The following KLHL29 variants were observed in gnomAD, a reference collection of about 807,000 sequenced individuals.
The protein encoded by KLHL29 is kelch like family member 29, also known as kelch-like protein 29.
A neutral mutation model predicts 80.4 loss-of-function variants in KLHL29; 21 were observed. That is an observed-to-expected ratio of 0.26 (90% CI 0.19 to 0.38). KLHL29 has a LOEUF of 0.38. KLHL29 is among the 10% of genes least tolerant of loss of function. The probability of loss-of-function intolerance (pLI) is 1.00; values close to 1 mark genes in which losing one functional copy is unlikely to be tolerated. For missense variants in KLHL29, 867 were observed against 1,223.9 expected, an observed-to-expected ratio of 0.71 and a Z score of 4.35; for synonymous variants, 511 against 526.8, an observed-to-expected ratio of 0.97 and a Z score of 0.41.
Position 23,478,610 on chromosome 2 carries a change from C to T in KLHL29, c.-46+2943C>T, listed in dbSNP as rs149146815. Among the ~76,000 whole-genome samples the T allele has an allele frequency of 3.0e-4, 46 of 152,224 alleles. No homozygotes were observed. The East Asian group carries it at 8.1e-3, about 27-fold the overall frequency. ...GAAAGAGGGGTGGGGGGAGTTGAGCCGAGGACTCAGTTTGCGCAGAGCCCA... is the reference window on the plus strand; with the variant it reads ...GAAAGAGGGGTGGGGGGAGTTGAGCTGAGGACTCAGTTTGCGCAGAGCCCA... On this transcript the variant is annotated intron_variant, in intron 2 of 13. Transcript: ENST00000486442.
In KLHL29 at chr2:23,703,362, T is replaced by A; in HGVS notation, c.2282T>A (p.Ile761Asn). The change falls in exon 12 of 14, where the codon ATC becomes AAC. Residue 761 changes from isoleucine to asparagine, a missense_variant. By Grantham distance (149) the Ile-to-Asn change is moderately radical. This residue lies in a region of KLHL29 where 443 missense variants were observed against 767.0 expected (regional missense o/e 0.58). Coordinates refer to ENST00000486442, the MANE Select transcript of KLHL29 (RefSeq NM_052920.2). ...YVPQTNTWSF[I>N]ESPMIDNKYA... ...CCTCAGACCAACACGTGGAGCTTCA[T>A]CGAGTCCCCAATGATTGGTGAGAAC... The A allele has an allele frequency of 6.6e-7, 1 of 1,513,968 alleles. No individual in the cohort carries two copies. Among genetic ancestry groups the A allele is most frequent in the Non-Finnish European group, 8.8e-7 (1 of 1,132,446 alleles). The allele number at this position is 1,513,968 out of a possible 1,614,324, so 93.8% of individuals were successfully genotyped here. A position where few individuals can be genotyped will look rare whatever the true frequency, so the allele number is the denominator to read the frequency against.
intron 11 of KLHL29, among the ~76,000 whole-genome samples, chr2:23,698,319 C>T (rs1366747291): frequency 6.6e-6 from 1 of 152,218 alleles, no homozygotes; most frequent in Non-Finnish European, 1.5e-5. Flanking sequence ...CTTGAAGACC[C>T]CTGGGCAGTG....
In KLHL29 at chr2:23,642,424, T is replaced by A. The variant is rs1230438821; in HGVS notation, c.514T>A (p.Phe172Ile). The change falls in exon 5 of 14, where the codon TTC (phenylalanine) becomes ATC (isoleucine). Residue 172 changes from phenylalanine (F) to isoleucine (I), a missense_variant. Around this residue, in one of 2 missense-constraint regions of KLHL29, gnomAD observed 424 missense variants for 456.9 expected, o/e 0.93. Transcript: ENST00000486442. ...HSYGVAQPPT[F>I]SPAVNVQAPV... Reference sequence around the variant, plus strand: ...CTATGGAGTGGCCCAGCCTCCCACCTTCAGCCCGGCTGTGAACGTCCAGGC... The same window carrying A: ...CTATGGAGTGGCCCAGCCTCCCACCATCAGCCCGGCTGTGAACGTCCAGGC... 1 of 1,491,170 alleles carries A rather than the reference T, an allele frequency of 6.7e-7. No individual in the cohort carries two copies. Among genetic ancestry groups the A allele is most frequent in the Non-Finnish European group, 9.0e-7 (1 of 1,114,726 alleles). The allele number at this position is 1,491,170 out of a possible 1,614,324, so 92.4% of individuals were successfully genotyped here.
At chr2:23,574,871 G>A (rs1374852247) in intron 3 of KLHL29, among the ~76,000 whole-genome samples, 1 of 152,176 alleles carries the variant, frequency 6.6e-6, no homozygotes, top group Non-Finnish European at 1.5e-5. Flanking sequence ...ACAGGGAGCA[G>A]AACAGAAGCC....
intron 3 of KLHL29, among the ~76,000 whole-genome samples, chr2:23,597,407 ATTTTTTTTTTTTTTT>A (rs869224319): frequency 1.6e-4 from 4 of 24,716 alleles, no homozygotes; most frequent in East Asian, 1.6e-3. Context: ...ATATATATAT[ATTTTTTTTTTTTTTT>A]TTTTTTTTTT....
chr2:23,497,999 A>G (rs1480914855), intron 2 of KLHL29, among the ~76,000 whole-genome samples: 6 of 151,930 alleles, frequency 3.9e-5, no homozygotes, highest in African/African-American at 1.5e-4. Flanking sequence ...TGTGCAGCAC[A>G]ATGTTTTGAT....
At chr2:23,584,419 G>A (rs892746468) in intron 3 of KLHL29, among the ~76,000 whole-genome samples, 3 of 152,374 alleles carry the variant, frequency 2.0e-5, no homozygotes, top group Middle Eastern at 3.4e-3. Flanking sequence ...GAAACTCTGG[G>A]ACTAGGGAGG....
At chr2:23,440,287 G>A (rs35069831) in intron 1 of KLHL29, among the ~76,000 whole-genome samples, 67,071 of 151,222 alleles carry the variant, frequency 0.44, 15,636 homozygotes, top group African/African-American at 0.6. Context: ...GTAGAAAGCT[G>A]AAACTGGATC....
At chr2:23,408,634 T>A (rs1666790270) in intron 1 of KLHL29, among the ~76,000 whole-genome samples, 1 of 152,276 alleles carries the variant, frequency 6.6e-6, no homozygotes, top group Non-Finnish European at 1.5e-5. Flanking sequence ...ATTGATTTTG[T>A]ATCTTGCTGG....
At chr2:23,697,364 C>A (rs1229822452) in intron 11 of KLHL29, 1 of 152,234 alleles carries the variant, frequency 6.6e-6, no homozygotes, top group African/African-American at 2.4e-5. Flanking sequence ...CTTAGTCCTG[C>A]TTTTGGAGAA....
intron 1 of KLHL29, among the ~76,000 whole-genome samples, chr2:23,455,605 A>ATTTTTTTTTTTTTTTTTTTTTTTTTTTT (rs397873479): frequency 9.4e-6 from 1 of 105,996 alleles, no homozygotes; most frequent in Non-Finnish European, 1.9e-5. Context: ...TGGTCTCCTG[A>ATTTTTTTTTTTTTTTTTTTTTTTTTTTT]TTTTTTTTTT....
intron 1 of KLHL29, among the ~76,000 whole-genome samples, chr2:23,456,380 C>T (rs1664051061): frequency 6.6e-6 from 1 of 152,244 alleles, no homozygotes; most frequent in South Asian, 2.1e-4. Context: ...CAGCTGAGTG[C>T]TTGTAGAGCT....
intron 11 of KLHL29, among the ~76,000 whole-genome samples, chr2:23,699,538 A>ACCG (rs1320756886): frequency 2.0e-5 from 3 of 151,928 alleles, no homozygotes; most frequent in South Asian, 4.2e-4. Context: ...AGGCTGCTGA[A>ACCG]CCCCAAGTCT....
chr2:23,426,930 A>C (rs1663021154), intron 1 of KLHL29, among the ~76,000 whole-genome samples: 1 of 152,234 alleles, frequency 6.6e-6, no homozygotes, highest in African/African-American at 2.4e-5. Flanking sequence ...CATTCAGAAA[A>C]GAACATTGCT....
At chr2:23,483,990 G>T (rs755581127) in intron 2 of KLHL29, among the ~76,000 whole-genome samples, 1 of 152,200 alleles carries the variant, frequency 6.6e-6, no homozygotes, top group Non-Finnish European at 1.5e-5. Flanking sequence ...TTGACCATCT[G>T]CTGGGCTGCA....
intron 5 of KLHL29, among the ~76,000 whole-genome samples, chr2:23,655,917 C>T (rs1404712327): frequency 6.6e-6 from 1 of 152,154 alleles, no homozygotes; most frequent in East Asian, 1.9e-4. Flanking sequence ...ATCCCCTGGA[C>T]CCCCAAAGAT....
chr2:23,703,662 A>T, intron 12 of KLHL29, 57 bp from the exon 13 acceptor site: 1 of 1,476,566 alleles, frequency 6.8e-7, no homozygotes, highest in Non-Finnish European at 9.0e-7. Context: ...GGGAAAGAAA[A>T]GGAGAGGGAA....
chr2:23,498,435 C>A (rs1334507373), intron 2 of KLHL29, among the ~76,000 whole-genome samples: 1 of 152,216 alleles, frequency 6.6e-6, no homozygotes, highest in Non-Finnish European at 1.5e-5. Context: ...CCCGATCAGG[C>A]AGGAGACTAC....
At chr2:23,511,101 G>T (rs1046762186) in intron 2 of KLHL29, among the ~76,000 whole-genome samples, 1 of 152,132 alleles carries the variant, frequency 6.6e-6, no homozygotes, top group African/African-American at 2.4e-5. Flanking sequence ...TGTTGGCAGG[G>T]TTGCTTCCTT....
Sources: gnomAD v4.1 joint callset for allele counts (sites outside exome capture counted in the v4.1 genomes callset) on GRCh38, gnomAD v4.1.1 for gene constraint, gnomAD v4.1.1 regional missense constraint, MANE v1.5 for transcripts, NCBI Gene and HGNC (gene_info 2026-07-23, HGNC 2026-07-21) for gene names.